OSBPL9: variants seen among roughly 807,000 people sequenced by gnomAD.
OSBPL9 encodes oxysterol-binding protein-related protein 9.
A neutral mutation model predicts 106.6 loss-of-function variants in OSBPL9; 40 were observed. The observed-to-expected ratio is 0.38, with a 90% CI of 0.29 to 0.49. The LOEUF (loss-of-function observed/expected upper bound fraction) is 0.49. Ranked by LOEUF, OSBPL9 falls within the 20% of genes least tolerant of loss-of-function variation. OSBPL9 has a pLI of 0.97. For missense variants in OSBPL9, 609 were observed against 887.2 expected, an observed-to-expected ratio of 0.69 and a Z score of 3.98; for synonymous variants, 269 against 295.4, an observed-to-expected ratio of 0.91 and a Z score of 0.92.
intron 2 of OSBPL9, among the ~76,000 whole-genome samples, chr1:51,666,896 C>T (rs547751902): frequency 4.6e-5 from 7 of 152,294 alleles, no homozygotes; most frequent in Non-Finnish European, 7.3e-5. Context: ...AATATTACTC[C>T]GGCAATAGCA....
chr1:51,676,700 G>T (rs1651318544), intron 3 of OSBPL9, among the ~76,000 whole-genome samples: 2 of 147,932 alleles, frequency 1.4e-5, no homozygotes, highest in African/African-American at 4.9e-5. Context: ...CTGCAAAAAT[G>T]ATAATTATGT....
chr1:51,694,780 C>CT (rs1655678700), intron 3 of OSBPL9, among the ~76,000 whole-genome samples: 4 of 152,206 alleles, frequency 2.6e-5, no homozygotes, highest in African/African-American at 9.6e-5. Flanking sequence ...TCAGAAAAGG[C>CT]TTTAAGTTTT....
chr1:51,710,920 A>T (rs1443536893), intron 3 of OSBPL9, among the ~76,000 whole-genome samples: 1 of 152,194 alleles, frequency 6.6e-6, no homozygotes, highest in Non-Finnish European at 1.5e-5. Context: ...GAAAATTCTC[A>T]GCCGGACAGT....
At chr1:51,675,229 A>G (rs1030963638) in intron 3 of OSBPL9, among the ~76,000 whole-genome samples, 1 of 152,210 alleles carries the variant, frequency 6.6e-6, no homozygotes, top group East Asian at 1.9e-4. Context: ...TGTAAAGACT[A>G]GCAAGTTGGA....
chr1:51,748,474 A>AT, intron 7 of OSBPL9, 76 bp downstream of exon 7: 3 of 1,349,148 alleles, frequency 2.2e-6, no homozygotes, highest in Non-Finnish European at 2.9e-6. Context: ...TTAAGCTGCC[A>AT]CTATTGATGA....
the OSBPL9 span, chr1:51,561,063 C>G: frequency 6.6e-6 from 1 of 152,112 alleles, no homozygotes; most frequent in Non-Finnish European, 1.5e-5. Context: ...ATGGTGAAAC[C>G]CTGTCTCTAC....
the OSBPL9 span, among the ~76,000 whole-genome samples, chr1:51,543,793 G>T: frequency 1.3e-5 from 2 of 152,218 alleles, no homozygotes; most frequent in African/African-American, 4.8e-5. Flanking sequence ...GCTGTGTGCA[G>T]TCTGGCCAGT....
intron 1 of OSBPL9, among the ~76,000 whole-genome samples, chr1:51,634,430 A>G (rs986423407): frequency 9.2e-5 from 14 of 152,256 alleles, no homozygotes; most frequent in African/African-American, 3.1e-4. Flanking sequence ...AAACAAAAAT[A>G]GAAAATCTGT....
chr1:51,623,254 A>G (rs1207677632), intron 1 of OSBPL9, among the ~76,000 whole-genome samples: 1 of 152,210 alleles, frequency 6.6e-6, no homozygotes, highest in Admixed American at 6.5e-5. Flanking sequence ...CATTGTAGAA[A>G]GGGCAAAGAG....
At chr1:51,656,111 C>A (rs1182265201) in intron 2 of OSBPL9, among the ~76,000 whole-genome samples, 1 of 152,206 alleles carries the variant, frequency 6.6e-6, no homozygotes, top group Non-Finnish European at 1.5e-5. Flanking sequence ...AGAGGGACCA[C>A]TGGTGTAGAA....
rs569521941 is a variant in OSBPL9, at chr1:51,668,060, C to T, written c.163-1374C>T. 2.6e-4 allele frequency among the ~76,000 whole-genome samples: 40 copies of T among 152,106 alleles called. 2 individuals carry two copies. In the South Asian group the frequency reaches 7.5e-3, roughly 28 times the overall value. Reference sequence around the variant, plus strand: ...ATATTCCTGGTATAGGAGTAGTCCCCCTATGTAGCCTTTTTTCATGGGATT... The same window carrying T: ...ATATTCCTGGTATAGGAGTAGTCCCTCTATGTAGCCTTTTTTCATGGGATT... On this transcript the variant is annotated intron_variant, in intron 2 of 23. Transcript: ENST00000428468.
chr1:51,666,179 TA>T (rs1239600715), intron 2 of OSBPL9, among the ~76,000 whole-genome samples: 1 of 152,020 alleles, frequency 6.6e-6, no homozygotes, highest in Non-Finnish European at 1.5e-5. Context: ...AAAACTAAAG[TA>T]GTAATGTGGT....
chr1:51,620,064 A>C (rs1644331356), intron 1 of OSBPL9, among the ~76,000 whole-genome samples: 2 of 152,184 alleles, frequency 1.3e-5, no homozygotes, highest in South Asian at 4.1e-4. Flanking sequence ...AGGTAATCTC[A>C]GGATTGGGTT....
At chr1:51,590,482 T>G (rs1287436442) in intron 1 of OSBPL9, among the ~76,000 whole-genome samples, 2 of 151,468 alleles carry the variant, frequency 1.3e-5, no homozygotes, top group Non-Finnish European at 1.5e-5. Context: ...TAGCCGGGCG[T>G]AGTGGCGGGC....
intron 1 of OSBPL9, among the ~76,000 whole-genome samples, chr1:51,624,227 T>C (rs1299300414): frequency 6.6e-6 from 1 of 152,118 alleles, no homozygotes; most frequent in Non-Finnish European, 1.5e-5. Context: ...ATATGGTACA[T>C]TTTAGTAGTC....
At chr1:51,676,801 A>G (rs949308390) in intron 3 of OSBPL9, among the ~76,000 whole-genome samples, 7 of 152,254 alleles carry the variant, frequency 4.6e-5, no homozygotes, top group Non-Finnish European at 1.0e-4. Context: ...TACAATTTTA[A>G]AAAATGACAA....
intron 1 of OSBPL9, among the ~76,000 whole-genome samples, chr1:51,594,425 CAG>C (rs748383012): frequency 5.6e-4 from 85 of 151,436 alleles, no homozygotes; most frequent in Non-Finnish European, 9.9e-4. Context: ...AAGAAAGAAA[CAG>C]AAAAGAAAAA....
chr1:51,650,500 A>G (rs896525753), intron 1 of OSBPL9, among the ~76,000 whole-genome samples: 1 of 151,496 alleles, frequency 6.6e-6, no homozygotes, highest in Admixed American at 6.6e-5. Flanking sequence ...TTAGTAAAGA[A>G]CTCTTTTCAA....
the OSBPL9 span, among the ~76,000 whole-genome samples, chr1:51,523,096 T>G: frequency 6.6e-6 from 1 of 151,968 alleles, no homozygotes; most frequent in East Asian, 1.9e-4. Flanking sequence ...GTCTCTATTT[T>G]TTTAAAATCA....
Sources: gnomAD v4.1 joint callset for allele counts (sites outside exome capture counted in the v4.1 genomes callset) on GRCh38, gnomAD v4.1.1 for gene constraint, MANE v1.5 for transcripts, NCBI Gene and HGNC (gene_info 2026-07-23, HGNC 2026-07-21) for gene names.